RBFOX1: variants seen among roughly 807,000 people sequenced by gnomAD.
The protein encoded by RBFOX1 is RNA binding protein fox-1 homolog 1.
Under a neutral mutation model 57.7 loss-of-function variants are expected in RBFOX1, and 8 were observed. The ratio of observed to expected loss-of-function variants is 0.14; its 90% CI spans 0.08 to 0.25. The LOEUF is 0.25. RBFOX1 is among the 10% of genes least tolerant of loss of function. The pLI, the probability that RBFOX1 is intolerant of heterozygous loss-of-function variation, is 1.00. For missense variants in RBFOX1, 611 were observed against 548.5 expected, an observed-to-expected ratio of 1.11 and a Z score of -1.14; for synonymous variants, 326 against 222.4, an observed-to-expected ratio of 1.47 and a Z score of -4.15.
chr16:6,105,103 C>A (rs1258649071), intron 1 of RBFOX1, among the ~76,000 whole-genome samples: 1 of 152,092 alleles, frequency 6.6e-6, no homozygotes, highest in East Asian at 1.9e-4. Flanking sequence ...TTTGCCAGAG[C>A]CATATTAAAA....
intron 1 of RBFOX1, among the ~76,000 whole-genome samples, chr16:6,045,433 T>G (rs2095485355): frequency 6.6e-6 from 1 of 152,182 alleles, no homozygotes; most frequent in Non-Finnish European, 1.5e-5. Context: ...AGTGGGGTCT[T>G]GAGTAGCAAA....
intron 3 of RBFOX1, among the ~76,000 whole-genome samples, chr16:6,856,551 CAA>C (rs902054215): frequency 6.6e-6 from 1 of 152,092 alleles, no homozygotes; most frequent in African/African-American, 2.4e-5. Flanking sequence ...GAATGTTCAT[CAA>C]AGAGTGTTTC....
intron 3 of RBFOX1, among the ~76,000 whole-genome samples, chr16:6,960,836 A>T (rs2082814106): frequency 1.3e-5 from 2 of 152,006 alleles, no homozygotes. Flanking sequence ...AAAGTCAAAG[A>T]GATTAAATGC....
At chr16:7,160,760 C>G (rs1288859540) in intron 4 of RBFOX1, among the ~76,000 whole-genome samples, 3 of 151,394 alleles carry the variant, frequency 2.0e-5, no homozygotes, top group Non-Finnish European at 4.4e-5. Context: ...TCTATTCCTC[C>G]TCCTCCTCCG....
intron 3 of RBFOX1, among the ~76,000 whole-genome samples, chr16:6,949,935 G>GTTTT (rs113719263): frequency 6.9e-6 from 1 of 145,484 alleles, no homozygotes; most frequent in African/African-American, 2.5e-5. Context: ...CCCTGAGTAC[G>GTTTT]TTTTTTTGTT....
intron 2 of RBFOX1, among the ~76,000 whole-genome samples, chr16:6,606,178 G>C (rs1288891763): frequency 2.0e-5 from 3 of 152,160 alleles, no homozygotes; most frequent in Non-Finnish European, 4.4e-5. Context: ...CAAGTGTTGT[G>C]GGGAGATAGG....
chr16:5,440,219 G>T (rs918548858), intron 1 of RBFOX1, among the ~76,000 whole-genome samples: 1 of 152,218 alleles, frequency 6.6e-6, no homozygotes, highest in Non-Finnish European at 1.5e-5. Context: ...GCCTCCCACA[G>T]CCCTGGTAAT....
intron 3 of RBFOX1, among the ~76,000 whole-genome samples, chr16:5,858,421 C>G (rs988885950): frequency 2.0e-5 from 3 of 152,172 alleles, no homozygotes; most frequent in Non-Finnish European, 4.4e-5. Context: ...TTTAACCTTC[C>G]TTAATAGACC....
rs138800862 is a variant in RBFOX1 at position 7,057,599 on chromosome 16, C to G, written c.27+5501C>G. Among the ~76,000 whole-genome samples, 6 of 152,340 alleles carry G rather than the reference C, an allele frequency of 3.9e-5. No homozygotes were observed. In the East Asian group the frequency reaches 9.7e-4, roughly 25 times the overall value. On this transcript the variant is annotated intron_variant, in intron 4 of 15. Coordinates refer to ENST00000550418, the MANE Select transcript of RBFOX1 (RefSeq NM_018723.4). Reference sequence around the variant, plus strand: ...GCTTAGTCTGGATCAGTTGTTCACTCTGGGCCAGTTGGATCTGTCCAGGGA... The same window carrying G: ...GCTTAGTCTGGATCAGTTGTTCACTGTGGGCCAGTTGGATCTGTCCAGGGA...
intron 2 of RBFOX1, among the ~76,000 whole-genome samples, chr16:6,476,431 C>T (rs534264920): frequency 2.0e-5 from 3 of 152,310 alleles, no homozygotes; most frequent in South Asian, 2.1e-4. Flanking sequence ...GAGGGAGTCA[C>T]ACTATTTTTT....
chr16:6,272,042 G>T (rs148233364), intron 1 of RBFOX1, among the ~76,000 whole-genome samples: 288 of 152,216 alleles, frequency 1.9e-3, no homozygotes, highest in African/African-American at 6.5e-3. Context: ...ACCATTGACT[G>T]TAACAAAATA....
At chr16:7,050,117 T>C (rs929990465) in intron 3 of RBFOX1, among the ~76,000 whole-genome samples, 14 of 151,568 alleles carry the variant, frequency 9.2e-5, no homozygotes, top group African/African-American at 3.4e-4. Context: ...TTACATAATA[T>C]AAAGTCACCT....
At chr16:6,290,032 G>A (rs2077302148) in intron 1 of RBFOX1, among the ~76,000 whole-genome samples, 1 of 152,182 alleles carries the variant, frequency 6.6e-6, no homozygotes, top group African/African-American at 2.4e-5. Context: ...GTGGTTTTAA[G>A]CAAAATGAGG....
intron 1 of RBFOX1, among the ~76,000 whole-genome samples, chr16:6,216,782 A>C (rs2097338457): frequency 6.6e-6 from 1 of 151,896 alleles, no homozygotes; most frequent in African/African-American, 2.4e-5. Flanking sequence ...AAATTCTTTT[A>C]TTTCTCACGT....
chr16:5,975,521 G>A (rs778267478), intron 4 of RBFOX1, among the ~76,000 whole-genome samples: 2 of 151,982 alleles, frequency 1.3e-5, no homozygotes, highest in Non-Finnish European at 2.9e-5. Context: ...GAAACTTTAG[G>A]GTCCAGATTT....
At chr16:6,717,765 A>G (rs973851081) in intron 3 of RBFOX1, among the ~76,000 whole-genome samples, 3 of 152,150 alleles carry the variant, frequency 2.0e-5, no homozygotes, top group African/African-American at 4.8e-5. Flanking sequence ...GTATGTGTTT[A>G]CGGGCTGCAA....
At chr16:5,460,909 T>C (rs1343362930) in intron 1 of RBFOX1, among the ~76,000 whole-genome samples, 1 of 152,160 alleles carries the variant, frequency 6.6e-6, no homozygotes, top group Non-Finnish European at 1.5e-5. Flanking sequence ...ATTACACATA[T>C]TGTCACTTGT....
intron 2 of RBFOX1, among the ~76,000 whole-genome samples, chr16:6,516,640 AT>A (rs778743147): frequency 1.1e-4 from 16 of 152,328 alleles, no homozygotes; most frequent in South Asian, 2.1e-4. Flanking sequence ...TGAATAAGGC[AT>A]TGGAAGACAA....
intron 3 of RBFOX1, among the ~76,000 whole-genome samples, chr16:5,747,538 A>G (rs1026978299): frequency 3.9e-5 from 6 of 152,038 alleles, no homozygotes; most frequent in African/African-American, 9.7e-5. Flanking sequence ...TTGGTAGGCT[A>G]TTATTGCCCC....
Sources: gnomAD v4.1 joint callset for allele counts (sites outside exome capture counted in the v4.1 genomes callset) on GRCh38, gnomAD v4.1.1 for gene constraint, MANE v1.5 for transcripts, NCBI Gene and HGNC (gene_info 2026-07-23, HGNC 2026-07-21) for gene names.